Variants in ADARB2 observed in about 807,000 individuals in gnomAD.
ADARB2 encodes the protein adenosine deaminase RNA specific B2 (inactive), also known as inactive double-stranded RNA-specific editase B2.
In ADARB2, 25 loss-of-function variants were observed where a neutral mutation model predicts 62.2. The observed-to-expected ratio is 0.40, with a 90% CI of 0.29 to 0.56. ADARB2 has a LOEUF of 0.56. Ranked by LOEUF, ADARB2 falls within the 20% of genes least tolerant of loss-of-function variation. The pLI, the probability that ADARB2 is intolerant of heterozygous loss-of-function variation, is 0.43. For synonymous variants in ADARB2, 572 were observed against 500.8 expected (o/e 1.14, Z -1.90); for missense variants, 1,071 against 1,077.4 (o/e 0.99, Z 0.08).
At chr10:1,334,448 C>A (rs1028756794) in intron 3 of ADARB2, among the ~76,000 whole-genome samples, 1 of 152,148 alleles carries the variant, frequency 6.6e-6, no homozygotes, top group African/African-American at 2.4e-5. Context: ...TTTCTCCACA[C>A]GTGGGTGCAC....
intron 1 of ADARB2, among the ~76,000 whole-genome samples, chr10:1,521,862 G>C (rs1047267999): frequency 8.2e-6 from 1 of 122,372 alleles, no homozygotes; most frequent in African/African-American, 3.1e-5. Flanking sequence ...AAATGTATTT[G>C]ATTGAAGTCT....
chr10:1,397,965 G>T (rs1383151414), intron 1 of ADARB2, among the ~76,000 whole-genome samples: 19 of 95,866 alleles, frequency 2.0e-4, no homozygotes, highest in African/African-American at 5.8e-4. Context: ...GTCACCGTCC[G>T]TCTCTCCCCT....
intron 3 of ADARB2, among the ~76,000 whole-genome samples, chr10:1,304,770 A>G (rs1311287598): frequency 6.7e-6 from 1 of 148,764 alleles, no homozygotes; most frequent in African/African-American, 2.5e-5. Flanking sequence ...CTGCTCCTGA[A>G]TGACTACTGG....
At chr10:1,697,346 T>C (rs759840138) in intron 1 of ADARB2, among the ~76,000 whole-genome samples, 4 of 152,208 alleles carry the variant, frequency 2.6e-5, no homozygotes, top group Non-Finnish European at 5.9e-5. Flanking sequence ...CTTGTCTTCC[T>C]TGTTGCTCAG....
intron 3 of ADARB2, among the ~76,000 whole-genome samples, chr10:1,271,293 C>T (rs1831259953): frequency 6.6e-6 from 1 of 152,200 alleles, no homozygotes. Context: ...AGTGGTTAAC[C>T]CCAGCATTGC....
intron 1 of ADARB2, among the ~76,000 whole-genome samples, chr10:1,455,275 A>C (rs1831083452): frequency 6.6e-6 from 1 of 152,220 alleles, no homozygotes; most frequent in African/African-American, 2.4e-5. Context: ...AAGAAATGTA[A>C]TCATTTGAAA....
intron 1 of ADARB2, among the ~76,000 whole-genome samples, chr10:1,407,343 C>T (rs1051292045): frequency 5.3e-5 from 8 of 152,186 alleles, no homozygotes; most frequent in South Asian, 2.1e-4. Context: ...CCGGGTCCGA[C>T]GTCTCCGGCG....
chr10:1,223,672 T>G (rs1830716670), intron 6 of ADARB2, among the ~76,000 whole-genome samples: 2 of 152,198 alleles, frequency 1.3e-5, no homozygotes, highest in African/African-American at 4.8e-5. Flanking sequence ...CTGCATCTAT[T>G]GAGATAATCA....
chr10:1,186,540 C>G (rs773190160), intron 8 of ADARB2: 1 of 519,068 alleles, frequency 1.9e-6, no homozygotes, highest in South Asian at 1.4e-5. Flanking sequence ...CGGGTGTCTC[C>G]CTCTCATTCA....
At chr10:1,481,784 G>A (rs907249354) in intron 1 of ADARB2, among the ~76,000 whole-genome samples, 6 of 150,914 alleles carry the variant, frequency 4.0e-5, no homozygotes, top group African/African-American at 1.5e-4. Flanking sequence ...TTGAACCCAG[G>A]AGGTGAAGTT....
chr10:1,385,535 C>A (rs1162503112), intron 1 of ADARB2, among the ~76,000 whole-genome samples: 1 of 150,688 alleles, frequency 6.6e-6, no homozygotes, highest in Admixed American at 6.6e-5. Context: ...GGATATGTCA[C>A]TTTGCAAAAC....
intron 1 of ADARB2, among the ~76,000 whole-genome samples, chr10:1,690,272 G>T (rs1201590000): frequency 6.6e-6 from 1 of 152,228 alleles, no homozygotes; most frequent in Non-Finnish European, 1.5e-5. Context: ...GTACCAGAAA[G>T]TATTGTTTTG....
intron 1 of ADARB2, among the ~76,000 whole-genome samples, chr10:1,440,297 T>C (rs894421473): frequency 2.0e-5 from 3 of 152,200 alleles, no homozygotes; most frequent in Non-Finnish European, 4.4e-5. Flanking sequence ...AAACTGAACA[T>C]GGCCACTGAT....
intron 1 of ADARB2, among the ~76,000 whole-genome samples, chr10:1,499,613 C>T (rs1191958170): frequency 6.6e-6 from 1 of 151,610 alleles, no homozygotes; most frequent in Non-Finnish European, 1.5e-5. Flanking sequence ...AACACTCACT[C>T]ATCATTCACC....
chr10:1,693,664 A>G (rs1834701096), intron 1 of ADARB2, among the ~76,000 whole-genome samples: 1 of 152,200 alleles, frequency 6.6e-6, no homozygotes, highest in South Asian at 2.1e-4. Context: ...TCTTCCAACC[A>G]TGGCTACAAA....
intron 1 of ADARB2, among the ~76,000 whole-genome samples, chr10:1,491,742 G>A (rs1456009817): frequency 6.6e-5 from 10 of 152,186 alleles, no homozygotes; most frequent in Non-Finnish European, 1.5e-4. Flanking sequence ...AAGGCAAGGA[G>A]CTTGTCTGTA....
intron 1 of ADARB2, among the ~76,000 whole-genome samples, chr10:1,667,026 T>C (rs999269924): frequency 6.6e-6 from 1 of 152,260 alleles, no homozygotes; most frequent in Admixed American, 6.5e-5. Context: ...GTTATTGTTA[T>C]GTAATTAACA....
At chr10:1,420,611 GGA>G (rs368577930) in intron 1 of ADARB2, among the ~76,000 whole-genome samples, 22,716 of 120,864 alleles carry the variant, frequency 0.19, 2,817 homozygotes, top group East Asian at 0.54. Flanking sequence ...CCAGAAAGAG[GGA>G]AAAAAAAAAA....
intron 3 of ADARB2, among the ~76,000 whole-genome samples, chr10:1,294,282 G>A (rs1024151915): frequency 8.5e-5 from 13 of 152,154 alleles, no homozygotes; most frequent in African/African-American, 3.1e-4. Context: ...CCAGCCATGT[G>A]CAGATGGCTG....
Sources: allele counts gnomAD v4.1 joint callset (sites outside exome capture counted in the v4.1 genomes callset), GRCh38; gene constraint gnomAD v4.1.1; transcripts MANE v1.5; gene names NCBI Gene and HGNC (gene_info 2026-07-23, HGNC 2026-07-21).